The following ST6GAL2 variants were observed in gnomAD, a reference collection of about 807,000 sequenced individuals.
ST6GAL2 encodes beta-galactoside alpha-2,6-sialyltransferase 2.
Under a neutral mutation model 37.5 loss-of-function variants are expected in ST6GAL2, and 24 were observed. The observed-to-expected ratio is 0.64, with a 90% CI of 0.46 to 0.90. The LOEUF is 0.90. Among genes scored for constraint, ST6GAL2 ranks in the 40% least tolerant of loss-of-function variants. ST6GAL2 has a pLI of 0.00. For synonymous variants in ST6GAL2, 306 were observed against 295.1 expected (o/e 1.04, Z -0.38); for missense variants, 715 against 712.7 (o/e 1.00, Z -0.04).
chr2:106,871,092 C>T (rs557385884), intron 1 of ST6GAL2, among the ~76,000 whole-genome samples: 1 of 152,318 alleles, frequency 6.6e-6, no homozygotes, highest in African/African-American at 2.4e-5. Context: ...TGGCCTATTG[C>T]TTTGCTCCTA....
intron 5 of ST6GAL2, 104 bp downstream of exon 5, chr2:106,829,962 A>T: frequency 9.4e-7 from 1 of 1,064,984 alleles, no homozygotes; most frequent in Non-Finnish European, 1.4e-6. Flanking sequence ...CAGGCATTTC[A>T]GATAAGGTAT....
chr2:106,850,885 G>A (rs1398463081), intron 1 of ST6GAL2, among the ~76,000 whole-genome samples: 1 of 152,224 alleles, frequency 6.6e-6, no homozygotes, highest in Non-Finnish European at 1.5e-5. Flanking sequence ...TAGCTGGTGT[G>A]ATATAAATGA....
At chr2:106,852,073 G>GA (rs1677388012) in intron 1 of ST6GAL2, among the ~76,000 whole-genome samples, 1 of 152,168 alleles carries the variant, frequency 6.6e-6, no homozygotes, top group African/African-American at 2.4e-5. Flanking sequence ...GTAAATGTGA[G>GA]AAAGTCTCCA....
Position 106,843,991 on chromosome 2 carries a change from G to A in ST6GAL2, c.-14C>T, listed in dbSNP as rs767802734. 17 of 1,548,984 alleles carry A rather than the reference G, an allele frequency of 1.1e-5. No homozygotes were observed. The highest frequency in any genetic ancestry group is 1.8e-5 in the Admixed American group (1 of 54,378). ...GTGTGGTTTCATGGCAGGTCTCTGC[G>A]GTCAGCACCTTGTGTCTTAATGCAG... On this transcript the variant is annotated 5_prime_UTR_variant, in exon 2 of 6. Coordinates refer to ENST00000409382, the MANE Select transcript of ST6GAL2 (RefSeq NM_001142351.2).
At chr2:106,871,018 TCACAG>T (rs1340400914) in intron 1 of ST6GAL2, among the ~76,000 whole-genome samples, 1 of 152,120 alleles carries the variant, frequency 6.6e-6, no homozygotes, top group East Asian at 1.9e-4. Flanking sequence ...TTGTATGAAA[TCACAG>T]CATGTACTCA....
At chr2:106,836,808 G>A (rs1256114005) in intron 2 of ST6GAL2, among the ~76,000 whole-genome samples, 4 of 147,928 alleles carry the variant, frequency 2.7e-5, no homozygotes, top group East Asian at 2.0e-4. Context: ...TTAGCTGGGC[G>A]TGGTGGTGCA....
intron 5 of ST6GAL2, among the ~76,000 whole-genome samples, chr2:106,827,740 T>C (rs1223345950): frequency 1.3e-5 from 2 of 152,238 alleles, no homozygotes; most frequent in Admixed American, 1.3e-4. Flanking sequence ...GAATTTGAGA[T>C]TGGGCTAGTG....
chr2:106,850,460 C>T (rs1318957139), intron 1 of ST6GAL2, among the ~76,000 whole-genome samples: 1 of 152,188 alleles, frequency 6.6e-6, no homozygotes, highest in Non-Finnish European at 1.5e-5. Flanking sequence ...AGTGGATTTG[C>T]TGCACTGCCT....
chr2:106,842,986 G>A, intron 2 of ST6GAL2, 49 bp downstream of exon 2: 2 of 1,294,228 alleles, frequency 1.5e-6, no homozygotes, highest in Non-Finnish European at 2.0e-6. Context: ...GGCCCCCAGG[G>A]ACACACTGGC....
chr2:106,861,145 T>C (rs1030832699), intron 1 of ST6GAL2, among the ~76,000 whole-genome samples: 7 of 152,046 alleles, frequency 4.6e-5, no homozygotes, highest in South Asian at 2.1e-4. Context: ...CACAGGAAAA[T>C]AGCACAGCAA....
At chr2:106,821,277 ATAAAGT>A (rs751518194) in intron 5 of ST6GAL2, among the ~76,000 whole-genome samples, 35 of 151,712 alleles carry the variant, frequency 2.3e-4, no homozygotes, top group Non-Finnish European at 4.9e-4. Flanking sequence ...ACCCAGATAA[ATAAAGT>A]TAGAGATGAA....
intron 4 of ST6GAL2, among the ~76,000 whole-genome samples, chr2:106,832,315 T>G (rs1179324187): frequency 6.6e-6 from 1 of 152,230 alleles, no homozygotes; most frequent in Non-Finnish European, 1.5e-5. Flanking sequence ...ATTTAGATAT[T>G]CTACATTTCC....
intron 2 of ST6GAL2, among the ~76,000 whole-genome samples, chr2:106,841,605 G>C (rs772388717): frequency 2.6e-5 from 4 of 152,158 alleles, no homozygotes; most frequent in Non-Finnish European, 4.4e-5. Context: ...GGGGGTTCCG[G>C]GAGCAAAGGG....
intron 1 of ST6GAL2, among the ~76,000 whole-genome samples, chr2:106,857,151 G>T (rs1354856127): frequency 1.3e-5 from 2 of 152,136 alleles, no homozygotes; most frequent in Non-Finnish European, 2.9e-5. Context: ...GGAATTTTAA[G>T]ACCTTATTCA....
At chr2:106,842,096 C>T (rs916937672) in intron 2 of ST6GAL2, among the ~76,000 whole-genome samples, 2 of 152,206 alleles carry the variant, frequency 1.3e-5, no homozygotes, top group Admixed American at 6.5e-5. Context: ...AAAAAAGAAA[C>T]AATTCTGCCT....
chr2:106,843,022 C>G lies in ST6GAL2; in HGVS notation c.943+13G>C, dbSNP rs760332408. 7.2e-7 allele frequency: 1 copy of G among 1,386,448 alleles called. No individual in the cohort carries two copies. Among genetic ancestry groups the G allele is most frequent in the South Asian group, 2.0e-5 (1 of 51,170 alleles). The allele number at this position is 1,386,448 out of a possible 1,614,324, so 85.9% of individuals were successfully genotyped here. On this transcript the variant is annotated intron_variant, in intron 2 of 5. Transcript: ENST00000409382. The stretch of plus-strand genomic sequence containing the variant: ...TCAAGACAGGGCGACCTGGTCCCCC[C>G]GCTGAGACCTACCTATTTCCTCGCC...
intron 1 of ST6GAL2, 139 bp from the exon 2 acceptor site, chr2:106,844,173 G>A (rs1677054486): frequency 2.0e-6 from 1 of 501,362 alleles, no homozygotes; most frequent in African/African-American, 1.9e-5. Context: ...AATCATCCAG[G>A]AGTTTTAGCT....
rs114369348 is a variant in ST6GAL2 at position 106,840,640 on chromosome 2, T to C, written c.943+2395A>G. Among the ~76,000 whole-genome samples the C allele has an allele frequency of 5.6e-3, 846 of 152,316 alleles. 7 individuals carry two copies. Among genetic ancestry groups the C allele is most frequent in the Middle Eastern group, 0.037 (11 of 294 alleles). ...TCATGCAAGTGCATGCCAAATAAATTAGATTTGGATACTAGAAATTAACAA... is the reference window on the plus strand; with the variant it reads ...TCATGCAAGTGCATGCCAAATAAATCAGATTTGGATACTAGAAATTAACAA... On this transcript the variant is annotated intron_variant, in intron 2 of 5. Coordinates refer to ENST00000409382, the MANE Select transcript of ST6GAL2 (RefSeq NM_001142351.2).
At chr2:106,828,089 G>A (rs1399623109) in intron 5 of ST6GAL2, among the ~76,000 whole-genome samples, 1 of 152,106 alleles carries the variant, frequency 6.6e-6, no homozygotes, top group Non-Finnish European at 1.5e-5. Context: ...GCTATATATG[G>A]CATGATTTCT....
Sources: allele counts gnomAD v4.1 joint callset (sites outside exome capture counted in the v4.1 genomes callset), GRCh38; gene constraint gnomAD v4.1.1; transcripts MANE v1.5; gene names NCBI Gene and HGNC (gene_info 2026-07-23, HGNC 2026-07-21).